The following PIK3CD variants were observed in gnomAD, a reference collection of about 807,000 sequenced individuals.
The protein encoded by PIK3CD is phosphatidylinositol-4,5-bisphosphate 3-kinase catalytic subunit delta, also known as phosphatidylinositol 4,5-bisphosphate 3-kinase catalytic subunit delta isoform.
In PIK3CD, 20 loss-of-function variants were observed where a neutral mutation model predicts 122.9. The observed-to-expected ratio is 0.16, with a 90% CI of 0.11 to 0.24. PIK3CD has a LOEUF of 0.24. PIK3CD is among the 10% of genes least tolerant of loss of function. The pLI is 1.00. For synonymous variants in PIK3CD, 596 were observed against 593.4 expected (o/e 1.00, Z -0.06); for missense variants, 787 against 1,406.3 (o/e 0.56, Z 7.04).
Position 9,720,598 on chromosome 1 carries a change from C to T in PIK3CD, c.1471-13C>T. On this transcript the variant is annotated splice_polypyrimidine_tract_variant and intron_variant, in intron 11 of 23. Coordinates refer to ENST00000377346, the MANE Select transcript of PIK3CD (RefSeq NM_005026.5). This position sits in a 1 kb window ranked among gnomAD's most constrained non-coding sequence, Gnocchi z 9.0. ...AGGCCCCTGGGGACGCTGAGTGCAGCCGTTTGTTGCAGATCTTGGAGCTGG... is the reference window on the plus strand; with the variant it reads ...AGGCCCCTGGGGACGCTGAGTGCAGTCGTTTGTTGCAGATCTTGGAGCTGG... The T allele has an allele frequency of 1.3e-6, 2 of 1,545,304 alleles. No individual in the cohort carries two copies. The highest frequency in any genetic ancestry group is 3.9e-5 in the Admixed American group (2 of 50,736).
At chr1:9,648,876 C>A (rs1445616469), upstream of PIK3CD, among the ~76,000 whole-genome samples, 2 of 152,112 alleles carry the variant, frequency 1.3e-5, no homozygotes, top group Non-Finnish European at 2.9e-5. Flanking sequence ...CTGAGGCGGG[C>A]AGATCACCCG....
chr1:9,675,108 G>A (rs577111425), intron 1 of PIK3CD, among the ~76,000 whole-genome samples: 2 of 151,630 alleles, frequency 1.3e-5, no homozygotes, highest in South Asian at 2.1e-4. Flanking sequence ...GTTTGAGGCC[G>A]GGCGCGGTGG....
rs1646101716 is a variant in PIK3CD, at chr1:9,689,410, T to C, written c.-137-2057T>C. ...TGTGAGCTCGGGCGCTTCTCCCGGCTGGGGGTGTGAGAATTTGCCGACGGT... is the reference window on the plus strand; with the variant it reads ...TGTGAGCTCGGGCGCTTCTCCCGGCCGGGGGTGTGAGAATTTGCCGACGGT... On this transcript the variant is annotated intron_variant, in intron 1 of 23. Transcript: ENST00000377346. This position sits in a 1 kb window ranked among gnomAD's most constrained non-coding sequence, Gnocchi z 6.1. 6.6e-6 allele frequency among the ~76,000 whole-genome samples: 1 copy of C among 151,286 alleles called. No individual in the cohort carries two copies. The highest frequency in any genetic ancestry group is 6.6e-5 in the Admixed American group (1 of 15,204).
At chr1:9,655,936 A>T (rs1644843211) in intron 1 of PIK3CD, among the ~76,000 whole-genome samples, 1 of 152,112 alleles carries the variant, frequency 6.6e-6, no homozygotes, top group Admixed American at 6.5e-5. Context: ...ACCTTAGGTG[A>T]TCTGCCCACC....
At chr1:9,726,763 G>T in intron 23 of PIK3CD, 146 bp from the exon 24 acceptor site, 1 of 1,006,106 alleles carries the variant, frequency 9.9e-7, no homozygotes. Flanking sequence ...TTTGAGGGTG[G>T]GAGCGGAATA....
At chr1:9,726,668 C>T (rs1649685929) in intron 23 of PIK3CD, among the ~76,000 whole-genome samples, 1 of 152,156 alleles carries the variant, frequency 6.6e-6, no homozygotes, top group South Asian at 2.1e-4. Context: ...CTCCCATGCT[C>T]CTCCCAGAGC....
intron 1 of PIK3CD, chr1:9,662,167 A>ATTTTTTTT (rs532152401): frequency 6.8e-6 from 1 of 147,888 alleles, no homozygotes; most frequent in Non-Finnish European, 1.5e-5. Context: ...TCGATCTCAA[A>ATTTTTTTT]TTTTTTTTTT....
Position 9,727,285 on chromosome 1 carries a change from T to G in PIK3CD, c.*239T>G. 1 of 560,340 alleles carries G rather than the reference T, an allele frequency of 1.8e-6. No homozygotes were observed. The highest frequency in any genetic ancestry group is 1.9e-5 in the African/African-American group (1 of 53,372). The allele number at this position is 560,340 out of a possible 1,614,324, so 34.7% of individuals were successfully genotyped here. On this transcript the variant is annotated 3_prime_UTR_variant, in exon 24 of 24. Transcript: ENST00000377346. ...GTGCTGGGCCCCCCGAGGCTGCACC[T>G]GGCTCTCGGCTGAGGATTGTCACCC...
At chr1:9,636,209 G>A in the PIK3CD span, among the ~76,000 whole-genome samples, 2 of 151,958 alleles carry the variant, frequency 1.3e-5, no homozygotes, top group African/African-American at 2.4e-5. Context: ...ATTTTTTTGG[G>A]GGGGGACATG....
Position 9,722,166 on chromosome 1 carries a change from C to T in PIK3CD, c.2234+13C>T. 1 of 1,612,418 alleles carries T rather than the reference C, an allele frequency of 6.2e-7. No individual in the cohort carries two copies. The highest frequency in any genetic ancestry group is 8.5e-7 in the Non-Finnish European group (1 of 1,179,588). On this transcript the variant is annotated intron_variant, in intron 17 of 23. Transcript: ENST00000377346. The surrounding 1 kb of genome is among the most constrained non-coding windows in gnomAD (Gnocchi z 7.6). ...TGGCTGAAGTCTGGTGAGCCCAAGC[C>T]CCGCCACAAGGGTTCCTCCCACCCC...
chr1:9,698,546 G>A (rs2100589097), intron 2 of PIK3CD, among the ~76,000 whole-genome samples: 1 of 152,302 alleles, frequency 6.6e-6, no homozygotes, highest in African/African-American at 2.4e-5. Context: ...GTGTGCCCAG[G>A]TGTCATTTTG....
intron 3 of PIK3CD, among the ~76,000 whole-genome samples, chr1:9,714,991 C>T (rs182389012): frequency 1.4e-3 from 213 of 152,006 alleles, no homozygotes; most frequent in African/African-American, 4.6e-3. Flanking sequence ...GCCAATGTAG[C>T]GAAACCCCAT....
the PIK3CD span, among the ~76,000 whole-genome samples, chr1:9,629,787 G>A: frequency 6.4e-4 from 98 of 152,306 alleles, no homozygotes; most frequent in African/African-American, 2.3e-3. Flanking sequence ...CCCTGCAGTC[G>A]GGCCGGGACC....
At position 9,717,422 on chromosome 1, in the gene PIK3CD, GC is replaced by G; in HGVS notation, c.931-113del. ...AGCATTGTGGACAGGCCCAAACCTGGCCGCAAACCTGTGACCCTCTCACCCG... is the reference window on the plus strand; with the variant it reads ...AGCATTGTGGACAGGCCCAAACCTGGCGCAAACCTGTGACCCTCTCACCCG... On this transcript the variant is annotated intron_variant, in intron 7 of 23. Transcript: ENST00000377346. The surrounding 1 kb of genome is among the most constrained non-coding windows in gnomAD (Gnocchi z 5.4). The G allele has an allele frequency of 9.3e-7, 1 of 1,069,528 alleles. No homozygotes were observed. Among genetic ancestry groups the G allele is most frequent in the Non-Finnish European group, 1.4e-6 (1 of 695,830 alleles). The allele number at this position is 1,069,528 out of a possible 1,614,324, so 66.3% of individuals were successfully genotyped here.
chr1:9,716,169 C>G (rs1187770816), intron 5 of PIK3CD, 91 bp downstream of exon 5: 2 of 1,111,066 alleles, frequency 1.8e-6, no homozygotes, highest in East Asian at 2.5e-5. Context: ...GCAAGCCCCC[C>G]TCCCCCAGTG....
At chr1:9,721,705 C>A in intron 15 of PIK3CD, 56 bp from the exon 16 acceptor site, 2 of 1,604,086 alleles carry the variant, frequency 1.2e-6, no homozygotes, top group Non-Finnish European at 1.7e-6. Context: ...TCCTGCTGGG[C>A]GGGAGGGGCT....
Position 9,724,680 on chromosome 1 carries a change from T to G in PIK3CD, c.2865-124T>G. On this transcript the variant is annotated intron_variant, in intron 22 of 23. Transcript: ENST00000377346. The surrounding 1 kb of genome is among the most constrained non-coding windows in gnomAD (Gnocchi z 7.3). ...TCAGTTAGCAGAACTGGAGGCCTTG[T>G]GTCCACCCATTATCAGGGCAAGGGC... 1.5e-6 allele frequency: 2 copies of G among 1,305,576 alleles called. No individual in the cohort carries two copies. Among genetic ancestry groups the G allele is most frequent in the South Asian group, 1.2e-5 (1 of 84,294 alleles). 80.9% of individuals were successfully genotyped at this position (1,305,576 alleles called of 1,614,324 possible).
In PIK3CD at chr1:9,718,839, GTC is replaced by G. The variant is rs1647993636; in HGVS notation, c.1170_1171del (p.Cys391LeufsTer36). ...ATCTGCGACCTGCCCCGCATGGCCC[GTC>G]TCTGCTTTGCGCTGTACGCCGTGAT... On this transcript the variant is annotated frameshift_variant, in exon 9 of 24. Coordinates refer to ENST00000377346, the MANE Select transcript of PIK3CD (RefSeq NM_005026.5). LOFTEE classifies it high-confidence loss of function. This position sits in a 1 kb window ranked among gnomAD's most constrained non-coding sequence, Gnocchi z 7.2. 1 of 1,612,780 alleles carries G rather than the reference GTC, an allele frequency of 6.2e-7. No individual in the cohort carries two copies. Among genetic ancestry groups the G allele is most frequent in the African/African-American group, 1.3e-5 (1 of 74,898 alleles).
chr1:9,628,960 C>T, the PIK3CD span, among the ~76,000 whole-genome samples: 28 of 150,740 alleles, frequency 1.9e-4, no homozygotes, highest in East Asian at 3.4e-3. Context: ...CCCCGTTTGC[C>T]GTCTGTGGTC....
Sources: gnomAD v4.1 joint callset for allele counts (sites outside exome capture counted in the v4.1 genomes callset) on GRCh38, gnomAD v4.1.1 for gene constraint, Gnocchi (gnomAD v3.1) non-coding constraint, MANE v1.5 for transcripts, NCBI Gene and HGNC (gene_info 2026-07-23, HGNC 2026-07-21) for gene names.